WLS: variants seen among roughly 807,000 people sequenced by gnomAD.
WLS encodes Wnt ligand secretion mediator, also known as protein wntless homolog.
Under a neutral mutation model 62.8 loss-of-function variants are expected in WLS, and 23 were observed. The ratio of observed to expected loss-of-function variants is 0.37; its 90% confidence interval spans 0.26 to 0.52. WLS has a LOEUF of 0.52. Ranked by LOEUF, WLS falls within the 20% of genes least tolerant of loss-of-function variation. The pLI, the probability that WLS is intolerant of heterozygous loss-of-function variation, is 0.92. For synonymous variants in WLS, 246 were observed against 244.1 expected (o/e 1.01, Z -0.07); for missense variants, 615 against 697.3 (o/e 0.88, Z 1.33).
intron 4 of WLS, among the ~76,000 whole-genome samples, chr1:68,154,047 GAGGTACGGATTAATAGGGC>G (rs1419199701): frequency 1.3e-5 from 2 of 152,092 alleles, no homozygotes; most frequent in Admixed American, 1.3e-4. Context: ...ATACACTTTA[GAGGTACGGATTAATAGGGC>G]AGGTATGGAT....
rs12029634 is a variant in WLS, at chr1:68,162,009, G to A, written c.380-2762C>T. ...CTGACCAAGGCGCTGATGTGACAGA[G>A]AATTCCTTGTTCACACAGTTTCTTA... is the stretch of plus-strand genomic sequence containing the variant. On this transcript the variant is annotated intron_variant, in intron 2 of 11. Transcript: ENST00000262348. The A allele has an allele frequency of 2.5e-3, 4,058 of 1,595,332 alleles. 77 individuals are homozygous for A. In the African/African-American group the frequency reaches 0.047, roughly 19 times the overall value.
intron 11 of WLS, chr1:68,126,940 C>A: frequency 4.2e-6 from 1 of 239,666 alleles, no homozygotes; most frequent in Non-Finnish European, 8.5e-6. Context: ...CCTGCAATCT[C>A]AGCTACTCGA....
intron 2 of WLS, 31 bp from the exon 3 acceptor site, chr1:68,159,278 T>G: frequency 6.2e-7 from 1 of 1,602,456 alleles, no homozygotes; most frequent in Non-Finnish European, 8.5e-7. Context: ...GTTTCAGAAA[T>G]GACTTTTGGA....
chr1:68,218,055 A>C (rs1649804722), intron 1 of WLS, among the ~76,000 whole-genome samples: 1 of 152,232 alleles, frequency 6.6e-6, no homozygotes. Context: ...AAGGAAGAGA[A>C]GAGGAACTGA....
chr1:68,211,361 TAAA>T (rs1444490784), intron 1 of WLS, among the ~76,000 whole-genome samples: 1 of 107,150 alleles, frequency 9.3e-6, no homozygotes, highest in Non-Finnish European at 1.9e-5. Flanking sequence ...AGGTTTTTCT[TAAA>T]AAACAACAGG....
intron 2 of WLS, among the ~76,000 whole-genome samples, chr1:68,163,283 A>G (rs77797889): frequency 2.4e-4 from 37 of 152,358 alleles, no homozygotes; most frequent in African/African-American, 8.4e-4. Context: ...ATACAGCTTC[A>G]TTGGTTCAAA....
chr1:68,158,622 A>G (rs1260960948), intron 3 of WLS, among the ~76,000 whole-genome samples: 1 of 152,114 alleles, frequency 6.6e-6, no homozygotes, highest in African/African-American at 2.4e-5. Flanking sequence ...AAGAAATTAT[A>G]ATGTTTTAAG....
chr1:68,116,698 TTGTC>T (rs1364563283), intron 11 of WLS, among the ~76,000 whole-genome samples: 5 of 152,194 alleles, frequency 3.3e-5, no homozygotes, highest in Non-Finnish European at 7.4e-5. Context: ...GCAGGAGTCT[TTGTC>T]TATGTTGGTT....
At chr1:68,161,944 G>A in intron 2 of WLS, 14 of 1,610,124 alleles carry the variant, frequency 8.7e-6, no homozygotes, top group Middle Eastern at 1.9e-4. Context: ...TCTGTATGTG[G>A]CACCATTGAG....
chr1:68,165,303 C>T (rs556168273), intron 2 of WLS, among the ~76,000 whole-genome samples: 19 of 152,220 alleles, frequency 1.2e-4, no homozygotes, highest in Middle Eastern at 3.4e-3. Context: ...AAGGGTCCCA[C>T]ACTTTTAAAG....
chr1:68,144,849 T>C lies in WLS; in HGVS notation c.1279-197A>G, dbSNP rs577749220. ...AAAATTTCTTGGGCCAAGTATTTCC[T>C]ATGTTCTTATCACTCATAAAGCAGC... is the stretch of plus-strand genomic sequence containing the variant. On this transcript the variant is annotated intron_variant, in intron 9 of 11. Coordinates refer to ENST00000262348, the MANE Select transcript of WLS (RefSeq NM_024911.7). Among the ~76,000 whole-genome samples the C allele has an allele frequency of 2.6e-5, 4 of 152,304 alleles. No homozygotes were observed. In the South Asian group the frequency reaches 6.2e-4, roughly 24 times the overall value.
intron 1 of WLS, among the ~76,000 whole-genome samples, chr1:68,221,980 T>G (rs1002954726): frequency 2.0e-5 from 3 of 152,314 alleles, no homozygotes; most frequent in African/African-American, 7.2e-5. Context: ...AGACGAAGAA[T>G]GAGGAATTTT....
intron 2 of WLS, among the ~76,000 whole-genome samples, chr1:68,182,697 A>G (rs1159948883): frequency 4.6e-5 from 7 of 152,116 alleles, no homozygotes; most frequent in East Asian, 1.9e-4. Flanking sequence ...ACCCTACTCC[A>G]TTTAAGTCTC....
At chr1:68,228,507 C>T (rs938755991) in intron 1 of WLS, among the ~76,000 whole-genome samples, 40 of 152,094 alleles carry the variant, frequency 2.6e-4, no homozygotes, top group African/African-American at 8.9e-4. Context: ...TTTTCAGGAG[C>T]TAAATTCACC....
At chr1:68,160,744 A>G (rs1242303532) in intron 2 of WLS, among the ~76,000 whole-genome samples, 11 of 152,154 alleles carry the variant, frequency 7.2e-5, no homozygotes, top group Admixed American at 7.2e-4. Flanking sequence ...TTTTGTCACA[A>G]AAACAGGAAT....
chr1:68,212,286 A>G (rs1262000997), intron 1 of WLS, among the ~76,000 whole-genome samples: 1 of 152,236 alleles, frequency 6.6e-6, no homozygotes, highest in Non-Finnish European at 1.5e-5. Flanking sequence ...ATGGAGTCCC[A>G]GAGCTGAATG....
chr1:68,115,749 A>G (rs1646283709), intron 11 of WLS, among the ~76,000 whole-genome samples: 1 of 147,428 alleles, frequency 6.8e-6, no homozygotes, highest in Non-Finnish European at 1.5e-5. Context: ...GCATTTTCAA[A>G]TGAGACTTTA....
At chr1:68,217,745 T>C (rs1227658732) in intron 1 of WLS, among the ~76,000 whole-genome samples, 1 of 152,182 alleles carries the variant, frequency 6.6e-6, no homozygotes, top group Non-Finnish European at 1.5e-5. Context: ...GCTCCAACTG[T>C]TCAGCTTAAC....
intron 2 of WLS, among the ~76,000 whole-genome samples, chr1:68,185,215 A>G (rs575219521): frequency 7.2e-5 from 11 of 152,344 alleles, no homozygotes; most frequent in African/African-American, 2.6e-4. Flanking sequence ...TGCCCATCGA[A>G]AAAACAGGTT....
Sources: gnomAD v4.1 joint callset for allele counts (sites outside exome capture counted in the v4.1 genomes callset) on GRCh38, gnomAD v4.1.1 for gene constraint, MANE v1.5 for transcripts, NCBI Gene and HGNC (gene_info 2026-07-23, HGNC 2026-07-21) for gene names.